The following MYO16 variants were observed in gnomAD, a reference collection of about 807,000 sequenced individuals.
MYO16 encodes the protein myosin XVI, also known as unconventional myosin-XVI.
In MYO16, 94 loss-of-function variants were observed where a neutral mutation model predicts 205.3. The ratio of observed to expected loss-of-function variants is 0.46; its 90% CI spans 0.39 to 0.54. MYO16 has a LOEUF of 0.54. Among genes scored for constraint, MYO16 ranks in the 20% least tolerant of loss-of-function variants. The probability of loss-of-function intolerance (pLI) is 0.00; values close to 1 mark genes in which losing one functional copy is unlikely to be tolerated. For missense variants in MYO16, 2,315 were observed against 2,387.5 expected (o/e 0.97, Z 0.63); for synonymous variants, 988 against 954.0 (o/e 1.04, Z -0.66).
chr13:108,565,398 G>C, the MYO16 span, among the ~76,000 whole-genome samples: 1 of 152,014 alleles, frequency 6.6e-6, no homozygotes, highest in Non-Finnish European at 1.5e-5. Context: ...TTCATTCATT[G>C]GTTAAGTTTA....
intron 33 of MYO16, among the ~76,000 whole-genome samples, chr13:109,175,279 G>A (rs1223336641): frequency 6.6e-6 from 1 of 152,220 alleles, no homozygotes; most frequent in East Asian, 1.9e-4. Flanking sequence ...CAATTCAGGA[G>A]GAGAGGGAGA....
At chr13:108,565,563 G>T in the MYO16 span, among the ~76,000 whole-genome samples, 177 of 152,080 alleles carry the variant, frequency 1.2e-3, no homozygotes, top group Non-Finnish European at 1.9e-3. Flanking sequence ...TATCAGTTCT[G>T]GTAGGTTTTT....
In MYO16 at chr13:109,140,791, G is replaced by A. The variant is rs1332549539; in HGVS notation, c.4579G>A (p.Ala1527Thr). The change falls in exon 32 of 35, where the codon GCC becomes ACC. Residue 1527 changes from alanine to threonine, a missense_variant. By Grantham distance (58) the Ala-to-Thr change is moderately conservative. Coordinates refer to ENST00000457511, the MANE Select transcript of MYO16 (RefSeq NM_001198950.3). The surrounding 1 kb of genome is among the most constrained non-coding windows in gnomAD (Gnocchi z 8.0). ...CCCGACCCCCGTCACCTGCTCCCCC[G>A]CCTCCGACGAGTCGCCCCTGACACC... ...FPPTPVTCSPASDESPLTPLE... is the reference protein window; with the variant it reads ...FPPTPVTCSPTSDESPLTPLE... 1.1e-5 allele frequency: 16 copies of A among 1,471,106 alleles called. No individual in the cohort carries two copies. Among genetic ancestry groups the A allele is most frequent in the East Asian group, 3.0e-5 (1 of 33,816 alleles). The allele number at this position is 1,471,106 out of a possible 1,614,324, so 91.1% of individuals were successfully genotyped here.
the MYO16 span, among the ~76,000 whole-genome samples, chr13:108,549,139 C>T: frequency 6.6e-6 from 1 of 152,158 alleles, no homozygotes; most frequent in African/African-American, 2.4e-5. Flanking sequence ...TCTTGATCCC[C>T]AGAAACTTTG....
intron 33 of MYO16, among the ~76,000 whole-genome samples, chr13:109,176,816 G>A (rs533385753): frequency 1.7e-4 from 22 of 132,368 alleles, no homozygotes; most frequent in African/African-American, 4.2e-4. Flanking sequence ...CTCCCTCCCC[G>A]CTGTCCTCAC....
chr13:109,044,158 C>T (rs1886967932), intron 23 of MYO16, among the ~76,000 whole-genome samples: 1 of 152,102 alleles, frequency 6.6e-6, no homozygotes, highest in Non-Finnish European at 1.5e-5. Flanking sequence ...ATGGTGGCAG[C>T]TTATCAGTGG....
chr13:108,997,655 A>ATC (rs1381824424), intron 21 of MYO16, among the ~76,000 whole-genome samples: 1 of 152,136 alleles, frequency 6.6e-6, no homozygotes, highest in African/African-American at 2.4e-5. Context: ...CCTGGCCAAC[A>ATC]TGGTGAAACC....
chr13:108,737,934 A>G (rs541230268), intron 4 of MYO16, among the ~76,000 whole-genome samples: 105 of 152,202 alleles, frequency 6.9e-4, no homozygotes, highest in African/African-American at 2.3e-3. Context: ...AGAGGTGTTT[A>G]TAATATTCTC....
intron 27 of MYO16, among the ~76,000 whole-genome samples, chr13:109,096,847 T>C (rs1594082398): frequency 6.6e-6 from 1 of 152,120 alleles, no homozygotes; most frequent in Non-Finnish European, 1.5e-5. Flanking sequence ...TGAGGGAGGG[T>C]AGAGCGTTGC....
chr13:108,872,761 A>T (rs925594445), intron 12 of MYO16, among the ~76,000 whole-genome samples: 1 of 152,062 alleles, frequency 6.6e-6, no homozygotes, highest in Non-Finnish European at 1.5e-5. Context: ...TCATTTCTAA[A>T]TGTCATAAAA....
intron 23 of MYO16, among the ~76,000 whole-genome samples, chr13:109,044,979 C>T (rs965006257): frequency 6.6e-6 from 1 of 152,192 alleles, no homozygotes; most frequent in African/African-American, 2.4e-5. Context: ...TGAGCCACCG[C>T]ACTCGGCCCT....
chr13:108,564,738 C>T, the MYO16 span, among the ~76,000 whole-genome samples: 1 of 152,260 alleles, frequency 6.6e-6, no homozygotes, highest in East Asian at 1.9e-4. Flanking sequence ...GAACAATGTC[C>T]TAGAGAGTTT....
upstream of MYO16, among the ~76,000 whole-genome samples, chr13:108,626,571 G>A (rs1486142031): frequency 6.6e-6 from 1 of 152,040 alleles, no homozygotes; most frequent in Non-Finnish European, 1.5e-5. Flanking sequence ...ACTTTGGGAA[G>A]CCAAGGCAGG....
At chr13:108,993,507 T>A (rs1253263201) in intron 21 of MYO16, among the ~76,000 whole-genome samples, 1 of 152,180 alleles carries the variant, frequency 6.6e-6, no homozygotes, top group Non-Finnish European at 1.5e-5. Context: ...AAGCTCTGCA[T>A]CATCCTGTGT....
At chr13:109,077,103 T>C (rs1460269660) in intron 27 of MYO16, among the ~76,000 whole-genome samples, 1 of 151,670 alleles carries the variant, frequency 6.6e-6, no homozygotes, top group Non-Finnish European at 1.5e-5. Context: ...CACTGCAGCC[T>C]CCATCTCCTG....
At chr13:109,073,814 GAGT>G (rs1888002679) in intron 27 of MYO16, among the ~76,000 whole-genome samples, 1 of 152,186 alleles carries the variant, frequency 6.6e-6, no homozygotes, top group South Asian at 2.1e-4. Flanking sequence ...TGACTAATAT[GAGT>G]AGTTTTGCTG....
rs746263109 is a variant in MYO16 at position 109,127,372 on chromosome 13, C to T, written c.3873C>T (p.Gly1291=). 1.2e-6 allele frequency: 2 copies of T among 1,613,644 alleles called. No homozygotes were observed. The highest frequency in any genetic ancestry group is 1.1e-5 in the South Asian group (1 of 90,942). ...ATGGCCTGGGCCAGTGCCTCGTTGG[C>T]CCGTCCATCTGGTCTCCTTCGCTGC... ...AVDGLGQCLV[G]PSIWSPSLHS... The change falls in exon 31 of 35, where the codon GGC becomes GGT. Residue 1291 remains glycine, a synonymous_variant. Coordinates refer to ENST00000457511, the MANE Select transcript of MYO16 (RefSeq NM_001198950.3). This position sits in a 1 kb window ranked among gnomAD's most constrained non-coding sequence, Gnocchi z 4.2.
chr13:108,868,244 A>C (rs1051767730), intron 12 of MYO16, among the ~76,000 whole-genome samples: 3 of 152,182 alleles, frequency 2.0e-5, no homozygotes, highest in Non-Finnish European at 2.9e-5. Context: ...GGTTGTACTA[A>C]GGTATATCTA....
chr13:109,061,048 G>C (rs1929298), intron 27 of MYO16, among the ~76,000 whole-genome samples: 88,068 of 151,976 alleles, frequency 0.58, 25,534 homozygotes, highest in Middle Eastern at 0.61. Context: ...GAGACAGTTT[G>C]TTTCCTCAAA....
Sources: allele counts gnomAD v4.1 joint callset (sites outside exome capture counted in the v4.1 genomes callset), GRCh38; gene constraint gnomAD v4.1.1; non-coding constraint Gnocchi (gnomAD v3.1); transcripts MANE v1.5; gene names NCBI Gene and HGNC (gene_info 2026-07-23, HGNC 2026-07-21).